The following ZNF8 variants were observed in gnomAD, a reference collection of about 807,000 sequenced individuals.
The protein encoded by ZNF8 is zinc finger protein 272.
Under a neutral mutation model 12.2 loss-of-function variants are expected in ZNF8, and 9 were observed. That is an observed-to-expected ratio of 0.73 (90% confidence interval 0.44 to 1.28). ZNF8 has a LOEUF of 1.28. Ranked by LOEUF, ZNF8 falls within the 50% of genes most tolerant of loss-of-function variation. ZNF8 has a pLI of 0.00. For synonymous variants in ZNF8, 274 were observed against 282.3 expected (o/e 0.97, Z 0.30); for missense variants, 664 against 729.1 (o/e 0.91, Z 1.03).
Position 58,295,831 on chromosome 19 carries a change from G to T in ZNF8, c.*295G>T. 1 of 330,202 alleles carries T rather than the reference G, an allele frequency of 3.0e-6. No homozygotes were observed. The highest frequency in any genetic ancestry group is 5.3e-5 in the East Asian group (1 of 18,822). 20.5% of individuals were successfully genotyped at this position (330,202 alleles called of 1,614,324 possible). A position where few individuals can be genotyped will look rare whatever the true frequency, so the allele number is the denominator to read the frequency against. ...AAAAATCAATATGCGGCCCCATTTT[G>T]TAAAGGATCATTAAAATGAAAGTAA... is the stretch of plus-strand genomic sequence containing the variant. On this transcript the variant is annotated 3_prime_UTR_variant, in exon 4 of 4. Transcript: ENST00000621650.
Position 58,302,727 on chromosome 19 carries a change from C to G in ZNF8, c.*7191C>G, listed in dbSNP as rs1308473147. 1 of 152,170 alleles carries G rather than the reference C, an allele frequency of 6.6e-6. No homozygotes were observed. The highest frequency in any genetic ancestry group is 1.5e-5 in the Non-Finnish European group (1 of 68,026). 9.4% of individuals were successfully genotyped at this position (152,170 alleles called of 1,614,324 possible). A position where few individuals can be genotyped will look rare whatever the true frequency, so the allele number is the denominator to read the frequency against. ...TGGAGGGCAGTTTATCAGCCACTAT[C>G]TAAATTACACATACATAAACCCTTT... On this transcript the variant is annotated 3_prime_UTR_variant, in exon 4 of 4. Coordinates refer to ENST00000621650, the MANE Select transcript of ZNF8 (RefSeq NM_021089.3).
Position 58,285,850 on chromosome 19 carries a change from C to T in ZNF8, c.193+7C>T. The T allele has an allele frequency of 6.2e-7, 1 of 1,603,636 alleles. No homozygotes were observed. The highest frequency in any genetic ancestry group is 2.2e-5 in the East Asian group (1 of 44,814). ...GGTCACCTGCTCTCCATAGGTAAGC[C>T]CTGCTTCGCAAGGTGTGATAGCTGA... is the stretch of plus-strand genomic sequence containing the variant. On this transcript the variant is annotated splice_region_variant and intron_variant, in intron 2 of 3. Coordinates refer to ENST00000621650, the MANE Select transcript of ZNF8 (RefSeq NM_021089.3).
chr19:58,281,431 A>ATT (rs1390877522), intron 1 of ZNF8, among the ~76,000 whole-genome samples: 1 of 152,230 alleles, frequency 6.6e-6, no homozygotes, highest in African/African-American at 2.4e-5. Flanking sequence ...GAACATCATG[A>ATT]GACAACAAGG....
At chr19:58,290,512 A>G (rs765494067) in intron 3 of ZNF8, among the ~76,000 whole-genome samples, 60 of 152,220 alleles carry the variant, frequency 3.9e-4, no homozygotes, top group Middle Eastern at 3.4e-3. Context: ...TCAGCATACC[A>G]CATGATTAAA....
chr19:58,280,898 A>G (rs2051347295), intron 1 of ZNF8, among the ~76,000 whole-genome samples: 1 of 152,116 alleles, frequency 6.6e-6, no homozygotes, highest in South Asian at 2.1e-4. Flanking sequence ...ATATTGCCTT[A>G]TGTCTTCTAT....
intron 3 of ZNF8, among the ~76,000 whole-genome samples, chr19:58,287,432 A>G (rs1457213786): frequency 1.3e-5 from 2 of 149,612 alleles, no homozygotes; most frequent in Non-Finnish European, 3.0e-5. Flanking sequence ...TTCCTGTCAC[A>G]AATGATCCTC....
chr19:58,287,863 TCC>T (rs1210742382), intron 3 of ZNF8, among the ~76,000 whole-genome samples: 13 of 103,028 alleles, frequency 1.3e-4, no homozygotes, highest in South Asian at 3.2e-4. Flanking sequence ...CTTTCTTTCT[TCC>T]TTTTTTTTTT....
At position 58,300,538 on chromosome 19, in the gene ZNF8, C is replaced by T. The variant is rs999505869; in HGVS notation, c.*5002C>T. ...CCCTAATAACAACGGGGCTTAGAAACCTCGTATTTACCTTTCTAACCTCTG... is the reference window on the plus strand; with the variant it reads ...CCCTAATAACAACGGGGCTTAGAAATCTCGTATTTACCTTTCTAACCTCTG... On this transcript the variant is annotated 3_prime_UTR_variant, in exon 4 of 4. Coordinates refer to ENST00000621650, the MANE Select transcript of ZNF8 (RefSeq NM_021089.3). The T allele has an allele frequency of 6.6e-6, 1 of 152,246 alleles. No homozygotes were observed. Among genetic ancestry groups the T allele is most frequent in the African/African-American group, 2.4e-5 (1 of 41,450 alleles). 9.4% of individuals were successfully genotyped at this position (152,246 alleles called of 1,614,324 possible).
chr19:58,294,763 G>A lies in ZNF8; in HGVS notation c.955G>A (p.Gly319Arg). 1 of 1,614,172 alleles carries A rather than the reference G, an allele frequency of 6.2e-7. No homozygotes were observed. Among genetic ancestry groups the A allele is most frequent in the South Asian group, 1.1e-5 (1 of 91,084 alleles). Residue 319 changes from glycine (G) to arginine (R), a missense_variant, in exon 4 of 4, where the codon GGG becomes AGG. Gly to Arg is a moderately radical substitution (Grantham distance 125). Transcript: ENST00000621650. The surrounding 1 kb of genome is among the most constrained non-coding windows in gnomAD (Gnocchi z 5.5). Reference protein sequence around the residue: ...GDKPYKCAECGKSFCHSTHLT... With the variant: ...GDKPYKCAECRKSFCHSTHLT... The stretch of plus-strand genomic sequence containing the variant: ...CAAGCCCTACAAGTGTGCCGAATGT[G>A]GGAAGTCTTTCTGCCATAGTACACA...
intron 1 of ZNF8, among the ~76,000 whole-genome samples, chr19:58,282,903 C>T (rs2051359541): frequency 6.6e-6 from 1 of 152,150 alleles, no homozygotes; most frequent in African/African-American, 2.4e-5. Flanking sequence ...GCTGGGATTA[C>T]AGGCGTGAGC....
chr19:58,279,482 TG>T lies in ZNF8; in HGVS notation c.66+336del, dbSNP rs2051331669. 4 of 1,466,468 alleles carry T rather than the reference TG, an allele frequency of 2.7e-6. No individual in the cohort carries two copies. The East Asian group carries it at 9.9e-5, about 36-fold the overall frequency. The allele number at this position is 1,466,468 out of a possible 1,614,324, so 90.8% of individuals were successfully genotyped here. ...CACCCTTGCCCATTCCAGGAAGGTC[TG>T]TCCTCGTGTTGACTGATAACAGTAA... On this transcript the variant is annotated intron_variant, in intron 1 of 3. Transcript: ENST00000621650.
chr19:58,291,951 G>A (rs1461628993), intron 3 of ZNF8, among the ~76,000 whole-genome samples: 1 of 152,116 alleles, frequency 6.6e-6, no homozygotes, highest in African/African-American at 2.4e-5. Flanking sequence ...AGAGTCAGGA[G>A]GTGAGACGAG....
chr19:58,285,157 G>GT (rs67853886), intron 1 of ZNF8, among the ~76,000 whole-genome samples: 79,311 of 145,092 alleles, frequency 0.55, 21,895 homozygotes, highest in Non-Finnish European at 0.59. Flanking sequence ...CTGTTTTTTT[G>GT]TTTTTTTTTT....
intron 1 of ZNF8, among the ~76,000 whole-genome samples, chr19:58,284,214 A>C (rs2051368781): frequency 1.3e-5 from 2 of 149,070 alleles, no homozygotes; most frequent in Admixed American, 6.7e-5. Context: ...ACAGAGTGAG[A>C]CTCCCATCTC....
chr19:58,294,461 G>T lies in ZNF8; in HGVS notation c.653G>T (p.Ser218Ile), dbSNP rs750249031. ...TCAGAACATAACTCCAGCTTAGTCAGTCAGCAGACAGGCTCCCCAGGAAAA... is the reference window on the plus strand; with the variant it reads ...TCAGAACATAACTCCAGCTTAGTCATTCAGCAGACAGGCTCCCCAGGAAAA... The part of the protein sequence containing the change: ...TDSEHNSSLV[S>I]QQTGSPGKQP... Residue 218 changes from serine to isoleucine, a missense_variant, in exon 4 of 4, where the codon AGT (serine) becomes ATT (isoleucine). Physicochemically the swap from Ser to Ile is moderately radical, Grantham distance 142. Around this residue, in one of 3 missense-constraint regions of ZNF8, gnomAD observed 306 missense variants for 308.7 expected, o/e 0.99. Transcript: ENST00000621650. This position sits in a 1 kb window ranked among gnomAD's most constrained non-coding sequence, Gnocchi z 5.5. 1 of 1,614,146 alleles carries T rather than the reference G, an allele frequency of 6.2e-7. No individual in the cohort carries two copies. The highest frequency in any genetic ancestry group is 8.5e-7 in the Non-Finnish European group (1 of 1,180,036).
intron 3 of ZNF8, among the ~76,000 whole-genome samples, chr19:58,287,405 T>A (rs1334325431): frequency 6.8e-6 from 1 of 147,584 alleles, no homozygotes; most frequent in Non-Finnish European, 1.5e-5. Context: ...TGATCATGGC[T>A]CAGTGCAGCC....
chr19:58,286,547 A>C lies in ZNF8; in HGVS notation c.289+342A>C, dbSNP rs1266993126. 6 of 222,066 alleles carry C rather than the reference A, an allele frequency of 2.7e-5. No individual in the cohort carries two copies. In the East Asian group the frequency reaches 6.5e-4, roughly 24 times the overall value. 13.8% of individuals were successfully genotyped at this position (222,066 alleles called of 1,614,324 possible). The stretch of plus-strand genomic sequence containing the variant: ...TCTTGTTAAGAGACTCAGTGCTAGG[A>C]GTTTTGACTGAGGCTGCCACATAGA... On this transcript the variant is annotated intron_variant, in intron 3 of 3. Coordinates refer to ENST00000621650, the MANE Select transcript of ZNF8 (RefSeq NM_021089.3).
At position 58,278,968 on chromosome 19, in the gene ZNF8, C is replaced by T. The variant is rs991611935; in HGVS notation, c.-114C>T. 1.6e-6 allele frequency: 2 copies of T among 1,265,102 alleles called. No individual in the cohort carries two copies. Among genetic ancestry groups the T allele is most frequent in the African/African-American group, 1.5e-5 (1 of 64,808 alleles). 78.4% of individuals were successfully genotyped at this position (1,265,102 alleles called of 1,614,324 possible). On this transcript the variant is annotated 5_prime_UTR_variant, in exon 1 of 4. Coordinates refer to ENST00000621650, the MANE Select transcript of ZNF8 (RefSeq NM_021089.3). ...CTACTGGGAGTTGTAGTCGCCGCGT[C>T]GCCGGTGCGGCCGCCATTGTCCGGC...
chr19:58,290,155 C>G (rs1025902372), intron 3 of ZNF8, among the ~76,000 whole-genome samples: 1 of 146,772 alleles, frequency 6.8e-6, no homozygotes, highest in Non-Finnish European at 1.5e-5. Flanking sequence ...GCTCTCTTCC[C>G]CAGACTGGAC....
Sources: allele counts gnomAD v4.1 joint callset (sites outside exome capture counted in the v4.1 genomes callset), GRCh38; gene constraint gnomAD v4.1.1; regional missense constraint gnomAD v4.1.1; non-coding constraint Gnocchi (gnomAD v3.1); transcripts MANE v1.5; gene names NCBI Gene and HGNC (gene_info 2026-07-23, HGNC 2026-07-21).